The following PID1 variants were observed in gnomAD, a reference collection of about 807,000 sequenced individuals.
PID1 encodes the protein phosphotyrosine interaction domain containing 1, also known as PTB-containing, cubilin and LRP1-interacting protein.
PID1 carries 10 observed loss-of-function variants against 19.1 expected under a neutral mutation model. The ratio of observed to expected loss-of-function variants is 0.52; its 90% confidence interval spans 0.32 to 0.89. The LOEUF is 0.89. PID1 is among the 40% of genes least tolerant of loss of function. The pLI is 0.03. For synonymous variants in PID1, 130 were observed against 116.0 expected (o/e 1.12, Z -0.78); for missense variants, 248 against 285.3 (o/e 0.87, Z 0.94).
chr2:229,239,770 A>G (rs907220233), intron 1 of PID1, among the ~76,000 whole-genome samples: 12 of 152,282 alleles, frequency 7.9e-5, no homozygotes, highest in African/African-American at 2.6e-4. Context: ...GTCATTTACA[A>G]TGTAATTCTG....
At chr2:229,205,192 A>G (rs1264132650) in intron 1 of PID1, among the ~76,000 whole-genome samples, 3 of 152,024 alleles carry the variant, frequency 2.0e-5, no homozygotes, top group African/African-American at 4.8e-5. Context: ...CAGCCAACCT[A>G]CACAGACACA....
intron 2 of PID1, among the ~76,000 whole-genome samples, chr2:229,119,792 C>G (rs1306725501): frequency 6.6e-6 from 1 of 152,166 alleles, no homozygotes; most frequent in Admixed American, 6.5e-5. Context: ...GAATTGTGGA[C>G]TGAGTAAAGT....
chr2:229,113,509 CATAT>C (rs3067619), intron 2 of PID1, among the ~76,000 whole-genome samples: 10 of 138,194 alleles, frequency 7.2e-5, no homozygotes, highest in South Asian at 4.6e-4. Flanking sequence ...TGTGTGTATA[CATAT>C]ATATATATAT....
rs190129700 is a variant in PID1, at chr2:229,028,807, C to T, written c.178-2699G>A. Among the ~76,000 whole-genome samples the T allele has an allele frequency of 4.1e-4, 62 of 152,314 alleles. 1 individual carries two copies. The highest frequency in any genetic ancestry group is 7.1e-4 in the Non-Finnish European group (48 of 68,032). Reference sequence around the variant, plus strand: ...TTCTCAGCATCCAATCCAAACTATGCGCTAATGAGCGTATTATGAGCTGTT... The same window carrying T: ...TTCTCAGCATCCAATCCAAACTATGTGCTAATGAGCGTATTATGAGCTGTT... On this transcript the variant is annotated intron_variant, in intron 2 of 2. Transcript: ENST00000392055.
intron 2 of PID1, among the ~76,000 whole-genome samples, chr2:229,154,905 C>T (rs1014625228): frequency 2.0e-5 from 3 of 152,198 alleles, no homozygotes; most frequent in Non-Finnish European, 2.9e-5. Flanking sequence ...AAGAGAGTAT[C>T]GTGTGAGAAA....
intron 2 of PID1, among the ~76,000 whole-genome samples, chr2:229,147,666 T>G (rs189717083): frequency 1.2e-4 from 18 of 152,324 alleles, no homozygotes; most frequent in African/African-American, 3.8e-4. Flanking sequence ...TATTGCTGAA[T>G]AAAAATTGTA....
At chr2:229,188,730 A>C (rs1004463361) in intron 1 of PID1, among the ~76,000 whole-genome samples, 1 of 73,716 alleles carries the variant, frequency 1.4e-5, no homozygotes, top group Non-Finnish European at 2.7e-5. Flanking sequence ...CAAGAGCGAA[A>C]CTCCACCTCA....
At chr2:229,151,100 C>A (rs1435944959) in intron 2 of PID1, among the ~76,000 whole-genome samples, 3 of 152,102 alleles carry the variant, frequency 2.0e-5, no homozygotes, top group Non-Finnish European at 4.4e-5. Flanking sequence ...GCCAAATCAA[C>A]TAGCCCTTAC....
rs140072762 is a variant in PID1 at position 229,106,525 on chromosome 2, T to C, written c.177+49293A>G. Among the ~76,000 whole-genome samples, 12 of 152,284 alleles carry C rather than the reference T, an allele frequency of 7.9e-5. 1 individual carries two copies. The East Asian group carries it at 2.3e-3, about 29-fold the overall frequency. ...ATAGATAGGGTCTTTAGGAGACAATTAGGTCATGAGAGTGGGACCCTTATA... is the reference window on the plus strand; with the variant it reads ...ATAGATAGGGTCTTTAGGAGACAATCAGGTCATGAGAGTGGGACCCTTATA... On this transcript the variant is annotated intron_variant, in intron 2 of 2. Coordinates refer to ENST00000392055, the MANE Select transcript of PID1 (RefSeq NM_001100818.2).
chr2:229,163,650 AGTGTGTGT>A (rs796992081), intron 1 of PID1, among the ~76,000 whole-genome samples: 1 of 140,970 alleles, frequency 7.1e-6, no homozygotes, highest in Non-Finnish European at 1.6e-5. Flanking sequence ...AGAGAGAGAG[AGTGTGTGT>A]GTGTGTGTGT....
intron 1 of PID1, among the ~76,000 whole-genome samples, chr2:229,265,624 G>A (rs1280962831): frequency 6.6e-6 from 1 of 152,188 alleles, no homozygotes; most frequent in Non-Finnish European, 1.5e-5. Context: ...TGTGTCCACA[G>A]GGCTGAAAGA....
At chr2:229,234,409 G>A (rs1007723196) in intron 1 of PID1, among the ~76,000 whole-genome samples, 1 of 152,138 alleles carries the variant, frequency 6.6e-6, no homozygotes, top group Admixed American at 6.5e-5. Flanking sequence ...AGATGCAAGT[G>A]CCTTTGAATA....
Position 229,271,265 on chromosome 2 carries a change from T to G in PID1, c.-222A>C, listed in dbSNP as rs1168559570. On this transcript the variant is annotated 5_prime_UTR_variant, in exon 1 of 3. Transcript: ENST00000392055. The stretch of plus-strand genomic sequence containing the variant: ...GGGCACGGCCGCGCGCCGGCTGTCC[T>G]GGCGCAGCTGCGAGAGGACTGCGCA... The G allele has an allele frequency of 2.6e-6, 1 of 391,282 alleles. No individual in the cohort carries two copies. The highest frequency in any genetic ancestry group is 2.2e-5 in the African/African-American group (1 of 46,016). The allele number at this position is 391,282 out of a possible 1,614,324, so 24.2% of individuals were successfully genotyped here. A position where few individuals can be genotyped will look rare whatever the true frequency, so the allele number is the denominator to read the frequency against.
chr2:229,220,036 T>C (rs1257090409), intron 1 of PID1, among the ~76,000 whole-genome samples: 1 of 151,892 alleles, frequency 6.6e-6, no homozygotes. Context: ...TTTTTTTTTT[T>C]TGAATCAAGG....
At chr2:229,117,410 A>T (rs940158286) in intron 2 of PID1, among the ~76,000 whole-genome samples, 11 of 152,058 alleles carry the variant, frequency 7.2e-5, no homozygotes, top group Admixed American at 2.0e-4. Context: ...ATCCCCTACC[A>T]GCCACCTTCC....
chr2:229,241,188 G>A (rs1442315504), intron 1 of PID1, among the ~76,000 whole-genome samples: 1 of 151,988 alleles, frequency 6.6e-6, no homozygotes, highest in Non-Finnish European at 1.5e-5. Flanking sequence ...TGTCTTCTTA[G>A]GGTCTATTTT....
intron 1 of PID1, among the ~76,000 whole-genome samples, chr2:229,168,842 G>C (rs1410542830): frequency 6.6e-6 from 1 of 152,128 alleles, no homozygotes; most frequent in Admixed American, 6.6e-5. Context: ...TTATTGTGGG[G>C]TTTCAAGTCA....
chr2:229,219,415 G>A (rs1052768882), intron 1 of PID1, among the ~76,000 whole-genome samples: 1 of 152,164 alleles, frequency 6.6e-6, no homozygotes, highest in Non-Finnish European at 1.5e-5. Context: ...CAGATGTTGT[G>A]AGAACTATCA....
At chr2:229,162,325 T>C (rs750604564) in intron 1 of PID1, among the ~76,000 whole-genome samples, 1 of 152,208 alleles carries the variant, frequency 6.6e-6, no homozygotes, top group Non-Finnish European at 1.5e-5. Flanking sequence ...ATTTACATAT[T>C]TTACCAATTC....
Sources: gnomAD v4.1 joint callset for allele counts (sites outside exome capture counted in the v4.1 genomes callset) on GRCh38, gnomAD v4.1.1 for gene constraint, MANE v1.5 for transcripts, NCBI Gene and HGNC (gene_info 2026-07-23, HGNC 2026-07-21) for gene names.